Variants in TMEM132B observed in about 807,000 individuals in gnomAD.
TMEM132B encodes transmembrane protein 132B.
TMEM132B carries 18 observed loss-of-function variants against 90.8 expected under a neutral mutation model. That is an observed-to-expected ratio of 0.20 (90% CI 0.14 to 0.29). The LOEUF is 0.29. TMEM132B is among the 10% of genes least tolerant of loss of function. The pLI is 1.00. For synonymous variants in TMEM132B, 504 were observed against 523.3 expected (o/e 0.96, Z 0.50); for missense variants, 1,096 against 1,326.8 (o/e 0.83, Z 2.70).
At chr12:125,249,932 C>T (rs1274072893) in intron 1 of TMEM132B, among the ~76,000 whole-genome samples, 1 of 152,240 alleles carries the variant, frequency 6.6e-6, no homozygotes, top group Non-Finnish European at 1.5e-5. Context: ...TAGTGGTTAC[C>T]AGTCTGGGGG....
chr12:125,261,777 C>T (rs1874573521), intron 1 of TMEM132B, among the ~76,000 whole-genome samples: 1 of 152,196 alleles, frequency 6.6e-6, no homozygotes, highest in East Asian at 1.9e-4. Context: ...TCCCTGGACA[C>T]TGGCATTTGC....
intron 2 of TMEM132B, among the ~76,000 whole-genome samples, chr12:125,393,538 T>C (rs1419619919): frequency 6.6e-6 from 1 of 151,882 alleles, no homozygotes; most frequent in East Asian, 1.9e-4. Context: ...ATCCAGATAA[T>C]TGGGGGTAAA....
chr12:125,205,170 A>T (rs1303263814), intron 1 of TMEM132B, among the ~76,000 whole-genome samples: 4 of 123,656 alleles, frequency 3.2e-5, no homozygotes, highest in South Asian at 2.7e-4. Context: ...GGGCTCCATT[A>T]ACCAGGCACT....
intron 4 of TMEM132B, among the ~76,000 whole-genome samples, chr12:125,562,641 C>T (rs1022998205): frequency 6.6e-6 from 1 of 152,158 alleles, no homozygotes; most frequent in Non-Finnish European, 1.5e-5. Flanking sequence ...TTGTAGCTCT[C>T]ATAACCCCCA....
chr12:125,405,893 G>A (rs1386265907), intron 2 of TMEM132B, among the ~76,000 whole-genome samples: 1 of 152,180 alleles, frequency 6.6e-6, no homozygotes, highest in Non-Finnish European at 1.5e-5. Flanking sequence ...TTCCTGAGTG[G>A]CGCTAGGATG....
chr12:125,643,708 A>G (rs537312774), intron 5 of TMEM132B, among the ~76,000 whole-genome samples: 6 of 152,318 alleles, frequency 3.9e-5, no homozygotes, highest in East Asian at 1.9e-4. Flanking sequence ...ATCTTCAGAT[A>G]TGGTGCAAGA....
intron 1 of TMEM132B, among the ~76,000 whole-genome samples, chr12:125,281,835 T>C (rs1282711399): frequency 6.6e-6 from 1 of 151,822 alleles, no homozygotes; most frequent in East Asian, 1.9e-4. Context: ...GAGACCATTC[T>C]GGCTAACACG....
intron 3 of TMEM132B, among the ~76,000 whole-genome samples, chr12:125,480,111 G>A (rs947485042): frequency 3.7e-4 from 56 of 152,272 alleles, no homozygotes; most frequent in Non-Finnish European, 6.9e-4. Context: ...TTAAAGCAGC[G>A]TGTAGAGGGA....
At chr12:125,461,631 C>T (rs1005307821) in intron 3 of TMEM132B, among the ~76,000 whole-genome samples, 1 of 152,228 alleles carries the variant, frequency 6.6e-6, no homozygotes, top group African/African-American at 2.4e-5. Flanking sequence ...TGCAGGGCAA[C>T]AGAAAACACA....
intron 3 of TMEM132B, among the ~76,000 whole-genome samples, chr12:125,457,089 G>A (rs1485497302): frequency 7.2e-5 from 11 of 152,152 alleles, no homozygotes; most frequent in Admixed American, 7.2e-4. Context: ...CCCTTCGAAA[G>A]CTCAGGCTCA....
chr12:125,283,385 C>G (rs960206053), intron 1 of TMEM132B, among the ~76,000 whole-genome samples: 2 of 152,052 alleles, frequency 1.3e-5, no homozygotes, highest in Non-Finnish European at 2.9e-5. Context: ...ATTTTCAACT[C>G]ATGAAAATTA....
intron 5 of TMEM132B, among the ~76,000 whole-genome samples, chr12:125,627,742 T>C (rs528965327): frequency 1.3e-5 from 2 of 152,256 alleles, no homozygotes; most frequent in African/African-American, 4.8e-5. Context: ...CACCCTGCTG[T>C]GCTATTAAAT....
chr12:125,625,243 C>T (rs902888886), intron 5 of TMEM132B, among the ~76,000 whole-genome samples: 3 of 150,764 alleles, frequency 2.0e-5, no homozygotes, highest in African/African-American at 7.4e-5. Context: ...CGCCATTCTC[C>T]TGCCTCAGCT....
chr12:125,628,307 A>G (rs1166406473), intron 5 of TMEM132B, among the ~76,000 whole-genome samples: 2 of 152,100 alleles, frequency 1.3e-5, no homozygotes, highest in Non-Finnish European at 2.9e-5. Context: ...CCTTGCTAGC[A>G]TTTGTTATTG....
chr12:125,466,033 A>C lies in TMEM132B; in HGVS notation c.1106+50356A>C, dbSNP rs373494059. 5.2e-4 allele frequency among the ~76,000 whole-genome samples: 79 copies of C among 152,310 alleles called. 1 individual carries two copies. The East Asian group carries it at 0.015, about 29-fold the overall frequency. On this transcript the variant is annotated intron_variant, in intron 3 of 8. Transcript: ENST00000682704. ...AATCTATTTTCTTTATAAATTACCC[A>C]GTCTCAGGTATTCCTTTATAGCAAC...
At chr12:125,211,529 G>A (rs79620842) in intron 1 of TMEM132B, among the ~76,000 whole-genome samples, 2,638 of 152,264 alleles carry the variant, frequency 0.017, 122 homozygotes, top group Admixed American at 0.06. Flanking sequence ...ACCATCTCCA[G>A]GGCATAGAAT....
intron 3 of TMEM132B, among the ~76,000 whole-genome samples, chr12:125,417,907 A>G (rs922315197): frequency 5.3e-5 from 8 of 152,198 alleles, no homozygotes; most frequent in Admixed American, 1.3e-4. Context: ...GCCCTGAACC[A>G]GGGGTTTTGA....
chr12:125,266,183 C>T (rs567369248), intron 1 of TMEM132B, among the ~76,000 whole-genome samples: 8 of 151,978 alleles, frequency 5.3e-5, no homozygotes, highest in African/African-American at 1.9e-4. Context: ...GAGCTGAGAT[C>T]GCGCCACTGC....
At chr12:125,438,409 T>G (rs1313379326) in intron 3 of TMEM132B, among the ~76,000 whole-genome samples, 1 of 152,230 alleles carries the variant, frequency 6.6e-6, no homozygotes, top group Non-Finnish European at 1.5e-5. Flanking sequence ...CACGATCTGC[T>G]ATACATGCAG....
Sources: allele counts gnomAD v4.1 joint callset (sites outside exome capture counted in the v4.1 genomes callset), GRCh38; gene constraint gnomAD v4.1.1; transcripts MANE v1.5; gene names NCBI Gene and HGNC (gene_info 2026-07-23, HGNC 2026-07-21).